ADAMTSL3: variants seen among roughly 807,000 people sequenced by gnomAD.
ADAMTSL3 encodes the protein ADAMTS like 3.
Under a neutral mutation model 201.7 loss-of-function variants are expected in ADAMTSL3, and 128 were observed. That is an observed-to-expected ratio of 0.63 (90% confidence interval 0.55 to 0.73). The LOEUF (loss-of-function observed/expected upper bound fraction) is 0.73. ADAMTSL3 is among the 30% of genes least tolerant of loss of function. The probability of loss-of-function intolerance (pLI) is 0.00; values close to 1 mark genes in which losing one functional copy is unlikely to be tolerated. For synonymous variants in ADAMTSL3, 738 were observed against 748.4 expected, an observed-to-expected ratio of 0.99 and a Z score of 0.23; for missense variants, 1,990 against 2,119.6, an observed-to-expected ratio of 0.94 and a Z score of 1.20.
chr15:83,942,887 C>G lies in ADAMTSL3; in HGVS notation c.2311-16C>G, dbSNP rs369335702. 1.7e-4 allele frequency: 266 copies of G among 1,609,454 alleles called. 1 individual carries two copies. Among genetic ancestry groups the G allele is most frequent in the African/African-American group, 1.1e-3 (86 of 74,990 alleles). ...GTGGGCCAAGCCTGCCGCCTCACCC[C>G]CTCTTGTCTTCTTAGTGTTCCAGGA... On this transcript the variant is annotated splice_polypyrimidine_tract_variant and intron_variant, in intron 18 of 29. Transcript: ENST00000286744.
chr15:83,916,985 C>G (rs1024545398), intron 16 of ADAMTSL3, among the ~76,000 whole-genome samples: 7 of 152,282 alleles, frequency 4.6e-5, no homozygotes, highest in Non-Finnish European at 8.8e-5. Context: ...CCTCTGTGAT[C>G]TATTTCAACG....
chr15:83,793,644 T>G (rs1372244330), intron 4 of ADAMTSL3, among the ~76,000 whole-genome samples: 1 of 152,178 alleles, frequency 6.6e-6, no homozygotes, highest in African/African-American at 2.4e-5. Context: ...GCCTGGCTAA[T>G]TTTTGTACTT....
chr15:83,734,900 T>C (rs1227984037), intron 3 of ADAMTSL3, among the ~76,000 whole-genome samples: 1 of 152,044 alleles, frequency 6.6e-6, no homozygotes, highest in East Asian at 1.9e-4. Flanking sequence ...TGATATGGCA[T>C]CTTGAGATGG....
At chr15:83,852,698 AAGAAAACAGTCTTTG>A (rs1351890865) in intron 7 of ADAMTSL3, among the ~76,000 whole-genome samples, 1 of 152,180 alleles carries the variant, frequency 6.6e-6, no homozygotes, top group Admixed American at 6.5e-5. Flanking sequence ...TCTGGATATT[AAGAAAACAGTCTTTG>A]CCTATAATTA....
intron 3 of ADAMTSL3, among the ~76,000 whole-genome samples, chr15:83,734,828 A>G (rs987665938): frequency 2.6e-5 from 4 of 152,064 alleles, no homozygotes; most frequent in Non-Finnish European, 5.9e-5. Context: ...GGAAGCATAT[A>G]TTCTCTGGAT....
intron 9 of ADAMTSL3, among the ~76,000 whole-genome samples, chr15:83,882,184 C>G (rs2065286446): frequency 6.6e-6 from 1 of 151,930 alleles, no homozygotes; most frequent in Non-Finnish European, 1.5e-5. Flanking sequence ...AGAAAAAAGA[C>G]AGAAAAAGAA....
intron 3 of ADAMTSL3, among the ~76,000 whole-genome samples, chr15:83,737,763 T>C (rs1015801007): frequency 1.3e-5 from 2 of 152,086 alleles, no homozygotes; most frequent in Non-Finnish European, 2.9e-5. Flanking sequence ...CACAAACATA[T>C]ACATACCCCG....
chr15:83,823,964 CT>C lies in ADAMTSL3; in HGVS notation c.600+3919del, dbSNP rs1567169948. ...TCTTCTTCTTCTTCTTCTTCTTCTT[CT>C]TCTTCTTCTCCTCCTCCTCCTCCTC... is the stretch of plus-strand genomic sequence containing the variant. On this transcript the variant is annotated intron_variant, in intron 6 of 29. Transcript: ENST00000286744. Among the ~76,000 whole-genome samples, 804 of 84,066 alleles carry C rather than the reference CT, an allele frequency of 9.6e-3. 1 individual carries two copies. Among genetic ancestry groups the C allele is most frequent in the Non-Finnish European group, 0.011 (359 of 34,180 alleles). 55.2% of individuals were successfully genotyped at this position (84,066 alleles called of 152,430 possible).
chr15:83,796,857 A>T (rs2063435525), intron 4 of ADAMTSL3, among the ~76,000 whole-genome samples: 1 of 152,204 alleles, frequency 6.6e-6, no homozygotes, highest in Non-Finnish European at 1.5e-5. Flanking sequence ...ATCGATAGTC[A>T]GAGGAAAACA....
intron 7 of ADAMTSL3, among the ~76,000 whole-genome samples, chr15:83,850,526 A>T (rs938493978): frequency 2.0e-5 from 3 of 150,582 alleles, no homozygotes; most frequent in Non-Finnish European, 4.4e-5. Context: ...TTATATATAT[A>T]TATAGAACAC....
chr15:83,970,154 A>G (rs553242124), intron 19 of ADAMTSL3, among the ~76,000 whole-genome samples: 1 of 152,304 alleles, frequency 6.6e-6, no homozygotes, highest in Non-Finnish European at 1.5e-5. Flanking sequence ...ATTAATTGCA[A>G]TGCCAAAAAA....
At chr15:83,768,838 G>A (rs1056471967) in intron 3 of ADAMTSL3, among the ~76,000 whole-genome samples, 4 of 152,160 alleles carry the variant, frequency 2.6e-5, no homozygotes, top group African/African-American at 9.6e-5. Context: ...TGGAAATCTG[G>A]GATATTATTG....
In ADAMTSL3 at chr15:83,804,629, CTTCT is replaced by C. The variant is rs2063575448; in HGVS notation, c.318-14_318-11del. On this transcript the variant is annotated splice_polypyrimidine_tract_variant and intron_variant, in intron 4 of 29. Coordinates refer to ENST00000286744, the MANE Select transcript of ADAMTSL3 (RefSeq NM_207517.3). Reference sequence around the variant, plus strand: ...TCTATGAAATCATTATTTCTTCTTTCTTCTTTCTTTTTTCCTTTAGGAATTGTGA... The same window carrying C: ...TCTATGAAATCATTATTTCTTCTTTCTTCTTTTTTCCTTTAGGAATTGTGA... The C allele has an allele frequency of 3.7e-6, 4 of 1,093,240 alleles. No homozygotes were observed. The highest frequency in any genetic ancestry group is 5.0e-6 in the Non-Finnish European group (4 of 806,146). 67.7% of individuals were successfully genotyped at this position (1,093,240 alleles called of 1,614,324 possible).
intron 3 of ADAMTSL3, among the ~76,000 whole-genome samples, chr15:83,714,580 C>A (rs1006099446): frequency 6.6e-6 from 1 of 152,002 alleles, no homozygotes; most frequent in African/African-American, 2.4e-5. Context: ...AGTAAGGCCA[C>A]CTTCACTTAC....
At chr15:83,790,568 T>C (rs1334518724) in intron 4 of ADAMTSL3, among the ~76,000 whole-genome samples, 1 of 151,978 alleles carries the variant, frequency 6.6e-6, no homozygotes, top group African/African-American at 2.4e-5. Flanking sequence ...GAAACAGATA[T>C]CAGCTTGATA....
intron 2 of ADAMTSL3, among the ~76,000 whole-genome samples, chr15:83,683,984 A>G (rs2061507609): frequency 6.6e-6 from 1 of 152,228 alleles, no homozygotes; most frequent in Admixed American, 6.5e-5. Context: ...CTTGCATAAT[A>G]GTATTTTAGG....
intron 6 of ADAMTSL3, among the ~76,000 whole-genome samples, chr15:83,821,703 T>C (rs1029839728): frequency 6.6e-6 from 1 of 152,218 alleles, no homozygotes; most frequent in Non-Finnish European, 1.5e-5. Flanking sequence ...TTCCCCACTT[T>C]CTATTCCACA....
intron 15 of ADAMTSL3, among the ~76,000 whole-genome samples, chr15:83,904,525 G>A (rs1002524995): frequency 1.3e-5 from 2 of 152,126 alleles, no homozygotes; most frequent in African/African-American, 2.4e-5. Flanking sequence ...ACCATGGCTC[G>A]AGTTCTGAAT....
At chr15:83,893,542 G>C (rs2065552563) in intron 13 of ADAMTSL3, among the ~76,000 whole-genome samples, 1 of 152,150 alleles carries the variant, frequency 6.6e-6, no homozygotes, top group Non-Finnish European at 1.5e-5. Flanking sequence ...TGATCCAGTA[G>C]CCACTAAGAA....
Sources: gnomAD v4.1 joint callset for allele counts (sites outside exome capture counted in the v4.1 genomes callset) on GRCh38, gnomAD v4.1.1 for gene constraint, MANE v1.5 for transcripts, NCBI Gene and HGNC (gene_info 2026-07-23, HGNC 2026-07-21) for gene names.